The following KLF12 variants were observed in gnomAD, a reference collection of about 807,000 sequenced individuals.
KLF12 encodes the protein KLF transcription factor 12.
In KLF12, 9 loss-of-function variants were observed where a neutral mutation model predicts 37.8. That is an observed-to-expected ratio of 0.24 (90% confidence interval 0.14 to 0.42). The LOEUF is 0.42. KLF12 is among the 10% of genes least tolerant of loss of function. The pLI is 1.00. For synonymous variants in KLF12, 208 were observed against 202.1 expected (o/e 1.03, Z -0.25); for missense variants, 411 against 516.0 (o/e 0.80, Z 1.97).
intron 6 of KLF12, among the ~76,000 whole-genome samples, chr13:73,738,022 A>AC (rs1566330814): frequency 0.018 from 1,658 of 92,346 alleles, 26 homozygotes; most frequent in East Asian, 0.033. Flanking sequence ...TCATTCAACA[A>AC]ACACACACAC....
intron 1 of KLF12, among the ~76,000 whole-genome samples, chr13:73,998,082 T>C (rs1290133596): frequency 6.6e-6 from 1 of 152,142 alleles, no homozygotes; most frequent in African/African-American, 2.4e-5. Context: ...ATCACTCAAG[T>C]TCCTTTATAA....
chr13:73,810,374 T>C (rs560071788), intron 5 of KLF12, among the ~76,000 whole-genome samples: 30 of 152,304 alleles, frequency 2.0e-4, no homozygotes, highest in East Asian at 3.9e-4. Flanking sequence ...AAAATAGTTA[T>C]GTTTAAGAAG....
intron 6 of KLF12, among the ~76,000 whole-genome samples, chr13:73,729,807 G>A (rs977141606): frequency 1.3e-5 from 2 of 152,054 alleles, no homozygotes; most frequent in Non-Finnish European, 2.9e-5. Flanking sequence ...ATTATTTTCT[G>A]TAAGTTCACC....
intron 1 of KLF12, among the ~76,000 whole-genome samples, chr13:74,010,728 A>G (rs538617263): frequency 6.6e-6 from 1 of 152,336 alleles, no homozygotes; most frequent in Non-Finnish European, 1.5e-5. Context: ...AAAAAGCTGC[A>G]TGAACCTCTC....
At chr13:73,858,945 A>T (rs895890224) in intron 3 of KLF12, among the ~76,000 whole-genome samples, 2 of 152,234 alleles carry the variant, frequency 1.3e-5, no homozygotes, top group African/African-American at 4.8e-5. Flanking sequence ...TTAACTGATG[A>T]TTTTAAAACG....
At chr13:74,009,915 G>A (rs989708994) in intron 1 of KLF12, among the ~76,000 whole-genome samples, 3 of 152,122 alleles carry the variant, frequency 2.0e-5, no homozygotes, top group South Asian at 2.1e-4. Flanking sequence ...AAACTATAAC[G>A]AAGATCTTGT....
chr13:74,040,023 G>A (rs1355464894), intron 1 of KLF12, among the ~76,000 whole-genome samples: 1 of 152,204 alleles, frequency 6.6e-6, no homozygotes, highest in Non-Finnish European at 1.5e-5. Flanking sequence ...GTATTCAACT[G>A]TGGGTTTAAT....
intron 1 of KLF12, among the ~76,000 whole-genome samples, chr13:74,050,964 A>C (rs1200426851): frequency 6.6e-6 from 1 of 152,216 alleles, no homozygotes; most frequent in East Asian, 1.9e-4. Flanking sequence ...ATTATCAGGG[A>C]AGTGCAAACT....
At chr13:73,782,370 TA>T (rs1306553189) in intron 5 of KLF12, among the ~76,000 whole-genome samples, 1 of 152,196 alleles carries the variant, frequency 6.6e-6, no homozygotes, top group Non-Finnish European at 1.5e-5. Flanking sequence ...AACTTTCTCC[TA>T]AAGTAAGAAC....
chr13:74,116,770 G>A lies in KLF12; in HGVS notation c.-32+16969C>T, dbSNP rs562664678. On this transcript the variant is annotated intron_variant, in intron 1 of 7. Transcript: ENST00000377669. ...TTCAAGGTTTACATTATTAACTGAA[G>A]GGACCAATTAACTATTAATATAGTA... 1.7e-4 allele frequency among the ~76,000 whole-genome samples: 26 copies of A among 152,134 alleles called. No individual in the cohort carries two copies. In the East Asian group the frequency reaches 4.8e-3, roughly 28 times the overall value.
chr13:74,209,177 G>A, the KLF12 span, among the ~76,000 whole-genome samples: 1 of 151,664 alleles, frequency 6.6e-6, no homozygotes, highest in Non-Finnish European at 1.5e-5. Context: ...AACTCCATTT[G>A]TATTCAATAG....
chr13:73,894,401 G>C (rs1269103295), intron 3 of KLF12, among the ~76,000 whole-genome samples: 1 of 152,150 alleles, frequency 6.6e-6, no homozygotes, highest in African/African-American at 2.4e-5. Flanking sequence ...GGATCTAAGA[G>C]AGTCTCCTAA....
At chr13:73,712,144 G>C (rs897357525) in intron 7 of KLF12, among the ~76,000 whole-genome samples, 1 of 151,932 alleles carries the variant, frequency 6.6e-6, no homozygotes, top group Admixed American at 6.6e-5. Context: ...TTCGAGACCA[G>C]CCTGACCAAC....
chr13:73,794,360 C>A (rs1255409293), intron 5 of KLF12, among the ~76,000 whole-genome samples: 1 of 152,170 alleles, frequency 6.6e-6, no homozygotes, highest in African/African-American at 2.4e-5. Flanking sequence ...ACTCAGGAGG[C>A]TGAGGTATGA....
the KLF12 span, among the ~76,000 whole-genome samples, chr13:74,152,357 A>C: frequency 1.8e-3 from 273 of 152,290 alleles, no homozygotes; most frequent in African/African-American, 6.4e-3. Flanking sequence ...TGAACTCAGT[A>C]AGTTTTTCTA....
chr13:73,718,736 A>G (rs567908111), intron 6 of KLF12, among the ~76,000 whole-genome samples: 3 of 152,266 alleles, frequency 2.0e-5, no homozygotes, highest in Admixed American at 6.5e-5. Flanking sequence ...CTACAAAAAC[A>G]TACAAAAATT....
intron 5 of KLF12, among the ~76,000 whole-genome samples, chr13:73,776,733 T>G (rs1880631239): frequency 6.6e-6 from 1 of 152,234 alleles, no homozygotes; most frequent in South Asian, 2.1e-4. Flanking sequence ...ATTACTATAT[T>G]AACAAAATAG....
intron 1 of KLF12, among the ~76,000 whole-genome samples, chr13:74,117,190 T>G (rs1877356809): frequency 6.6e-6 from 1 of 152,166 alleles, no homozygotes; most frequent in Non-Finnish European, 1.5e-5. Flanking sequence ...AGTCCATGGT[T>G]TCTAGATATC....
At chr13:74,304,294 A>G in the KLF12 span, among the ~76,000 whole-genome samples, 1 of 152,176 alleles carries the variant, frequency 6.6e-6, no homozygotes, top group Admixed American at 6.5e-5. Flanking sequence ...TTTTCTCTTC[A>G]TCAGTCACTC....
Sources: gnomAD v4.1 joint callset for allele counts (sites outside exome capture counted in the v4.1 genomes callset) on GRCh38, gnomAD v4.1.1 for gene constraint, MANE v1.5 for transcripts, NCBI Gene and HGNC (gene_info 2026-07-23, HGNC 2026-07-21) for gene names.